Variants in NCALD observed in about 807,000 individuals in gnomAD.
The protein encoded by NCALD is neurocalcin delta, also known as neurocalcin-delta.
A neutral mutation model predicts 18.6 loss-of-function variants in NCALD; 10 were observed. That is an observed-to-expected ratio of 0.54 (90% confidence interval 0.33 to 0.91). The LOEUF (loss-of-function observed/expected upper bound fraction) is 0.91, where lower values mean the gene tolerates loss of function less well. Ranked by LOEUF, NCALD falls within the 40% of genes least tolerant of loss-of-function variation. The probability of loss-of-function intolerance (pLI) is 0.03; values close to 1 mark genes in which losing one functional copy is unlikely to be tolerated. For missense variants in NCALD, 184 were observed against 247.6 expected (o/e 0.74, Z 1.72); for synonymous variants, 88 against 87.4 (o/e 1.01, Z -0.04).
chr8:101,884,821 A>G (rs188876684), intron 4 of NCALD, among the ~76,000 whole-genome samples: 2 of 152,300 alleles, frequency 1.3e-5, no homozygotes, highest in East Asian at 3.9e-4. Context: ...CTCTGTGGCT[A>G]TATTTGAAAA....
intron 2 of NCALD, among the ~76,000 whole-genome samples, chr8:101,943,450 C>T (rs1016629939): frequency 6.6e-6 from 1 of 152,194 alleles, no homozygotes; most frequent in Non-Finnish European, 1.5e-5. Context: ...GAGGCATTTA[C>T]TTTCTATGAA....
chr8:101,940,321 AAAC>A (rs58305861), intron 2 of NCALD, among the ~76,000 whole-genome samples: 2,278 of 152,336 alleles, frequency 0.015, 61 homozygotes, highest in African/African-American at 0.052. Flanking sequence ...TAAGGGAGAT[AAAC>A]ACTAAAGCAA....
chr8:101,737,025 G>T (rs1809952440), intron 1 of NCALD, among the ~76,000 whole-genome samples: 1 of 152,142 alleles, frequency 6.6e-6, no homozygotes. Context: ...TAAGAGAGGT[G>T]AGAAAGAGGA....
At chr8:101,865,124 T>C (rs1815715684) in intron 4 of NCALD, among the ~76,000 whole-genome samples, 1 of 152,314 alleles carries the variant, frequency 6.6e-6, no homozygotes, top group South Asian at 2.1e-4. Flanking sequence ...ACATCTAAGA[T>C]TATGTGCATA....
rs551825961 is a variant in NCALD, at chr8:102,035,808, G to T, written c.-209-15519C>A. Among the ~76,000 whole-genome samples the T allele has an allele frequency of 5.3e-5, 8 of 152,220 alleles. No individual in the cohort carries two copies. The East Asian group carries it at 1.5e-3, about 29-fold the overall frequency. Reference sequence around the variant, plus strand: ...CTCCTCATTCAAAATGATTTCTGAAGTTGCAGAGGCAGGACATAGTCATGT... The same window carrying T: ...CTCCTCATTCAAAATGATTTCTGAATTTGCAGAGGCAGGACATAGTCATGT... On this transcript the variant is annotated intron_variant, in intron 1 of 6. Coordinates refer to the NCALD transcript ENST00000311028.
At chr8:101,714,822 C>T (rs1388794163) in intron 2 of NCALD, among the ~76,000 whole-genome samples, 3 of 149,816 alleles carry the variant, frequency 2.0e-5, no homozygotes, top group Non-Finnish European at 4.4e-5. Context: ...AGGTGAAACC[C>T]CATCTCTACT....
At chr8:102,032,866 T>A (rs537684945) in intron 1 of NCALD, among the ~76,000 whole-genome samples, 19 of 152,108 alleles carry the variant, frequency 1.2e-4, no homozygotes, top group Non-Finnish European at 2.2e-4. Flanking sequence ...ATGACAGTAA[T>A]CAATGAGTCT....
At chr8:101,844,312 G>T (rs1814775648) in intron 4 of NCALD, among the ~76,000 whole-genome samples, 1 of 151,926 alleles carries the variant, frequency 6.6e-6, no homozygotes, top group Admixed American at 6.6e-5. Context: ...GGAATGAACT[G>T]AATTGTCAAT....
At chr8:102,079,410 T>A (rs929184952) in intron 1 of NCALD, among the ~76,000 whole-genome samples, 2 of 150,380 alleles carry the variant, frequency 1.3e-5, no homozygotes, top group African/African-American at 5.0e-5. Flanking sequence ...CCCACAGTTG[T>A]GTGTGTCTTT....
chr8:101,924,681 G>A (rs1158963583), intron 2 of NCALD, among the ~76,000 whole-genome samples: 3 of 152,156 alleles, frequency 2.0e-5, no homozygotes, highest in African/African-American at 7.2e-5. Context: ...GCCGTCATTT[G>A]TTGGTCTGCA....
intron 2 of NCALD, among the ~76,000 whole-genome samples, chr8:102,012,045 T>A (rs960722697): frequency 1.3e-5 from 2 of 152,188 alleles, no homozygotes; most frequent in African/African-American, 4.8e-5. Flanking sequence ...CAATGGCCAC[T>A]GTGAGGTGTA....
chr8:101,859,190 C>T (rs913498867), intron 4 of NCALD, among the ~76,000 whole-genome samples: 8 of 152,126 alleles, frequency 5.3e-5, no homozygotes, highest in African/African-American at 1.9e-4. Context: ...ATCTTTCTCC[C>T]GTGCCAGATG....
chr8:101,785,221 T>C (rs990049846), intron 1 of NCALD, among the ~76,000 whole-genome samples: 6 of 152,220 alleles, frequency 3.9e-5, no homozygotes, highest in Admixed American at 2.0e-4. Context: ...TCCTAAGTGT[T>C]AGCTATTATT....
intron 1 of NCALD, among the ~76,000 whole-genome samples, chr8:101,742,097 A>AAAAAATTAGCTGGGC (rs1810221716): frequency 6.6e-6 from 1 of 151,672 alleles, no homozygotes; most frequent in African/African-American, 2.4e-5. Flanking sequence ...ACTGAAAAAA[A>AAAAAATTAGCTGGGC]AAAAAATTAG....
chr8:101,780,064 A>G (rs1811950438), intron 1 of NCALD: 1 of 152,160 alleles, frequency 6.6e-6, no homozygotes, highest in South Asian at 2.1e-4. Context: ...AAACATTAAG[A>G]ATGATGTTTC....
chr8:101,942,724 T>C (rs923941867), intron 2 of NCALD, among the ~76,000 whole-genome samples: 1 of 152,198 alleles, frequency 6.6e-6, no homozygotes, highest in Non-Finnish European at 1.5e-5. Context: ...TACATCTTAC[T>C]ACCCCCATTT....
At chr8:101,698,335 T>C (rs906089975) in intron 2 of NCALD, among the ~76,000 whole-genome samples, 1 of 152,180 alleles carries the variant, frequency 6.6e-6, no homozygotes, top group Non-Finnish European at 1.5e-5. Flanking sequence ...GAAGAATCAA[T>C]ATTGTGAAAA....
chr8:102,051,954 A>G (rs1181805237), intron 1 of NCALD, among the ~76,000 whole-genome samples: 1 of 152,258 alleles, frequency 6.6e-6, no homozygotes, highest in Admixed American at 6.5e-5. Flanking sequence ...TAGAACTTCA[A>G]ATGGACAGAA....
intron 1 of NCALD, among the ~76,000 whole-genome samples, chr8:102,080,212 C>T (rs906806839): frequency 1.3e-5 from 2 of 152,178 alleles, no homozygotes; most frequent in African/African-American, 4.8e-5. Flanking sequence ...GCTATTTCGA[C>T]TTCTCACTTA....
Sources: gnomAD v4.1 joint callset for allele counts (sites outside exome capture counted in the v4.1 genomes callset) on GRCh38, gnomAD v4.1.1 for gene constraint, MANE v1.5 for transcripts, NCBI Gene and HGNC (gene_info 2026-07-23, HGNC 2026-07-21) for gene names.